The following PRRX2 variants were observed in gnomAD, a reference collection of about 807,000 sequenced individuals.
PRRX2 encodes the protein paired mesoderm homeobox protein 2.
In PRRX2, 11 loss-of-function variants were observed where a neutral mutation model predicts 18.0. The ratio of observed to expected loss-of-function variants is 0.61; its 90% CI spans 0.39 to 1.01. The LOEUF is 1.01. Ranked by LOEUF, PRRX2 falls within the 50% of genes least tolerant of loss-of-function variation. The pLI, the probability that PRRX2 is intolerant of heterozygous loss-of-function variation, is 0.01. For missense variants in PRRX2, 387 were observed against 351.0 expected (o/e 1.10, Z -0.82); for synonymous variants, 177 against 154.8 (o/e 1.14, Z -1.06).
chr9:129,722,289 C>T lies in PRRX2; in HGVS notation c.699C>T (p.Ala233=). 6.2e-7 allele frequency: 1 copy of T among 1,614,040 alleles called. No homozygotes were observed. Among genetic ancestry groups the T allele is most frequent in the Non-Finnish European group, 8.5e-7 (1 of 1,180,008 alleles). ...TPGVNMANSI[A]SLRLKAKEFS... is the part of the protein sequence containing the mutation. ...GGGTCAACATGGCCAACAGCATCGC[C>T]AGCCTCCGTCTCAAGGCCAAGGAGT... is the stretch of plus-strand genomic sequence containing the variant. Residue 233 remains alanine, a synonymous_variant, in exon 4 of 4, where the codon GCC becomes GCT. Coordinates refer to ENST00000372469, the MANE Select transcript of PRRX2 (RefSeq NM_016307.4).
Position 129,719,238 on chromosome 9 carries a change from TC to T in PRRX2, c.270del (p.Ser91AlafsTer105). ...CCCCCCCAACCTCCGCAGGTGAGTGTCCCAGCCCGGGGCGCGGTAGCGCCGC... is the reference window on the plus strand; with the variant it reads ...CCCCCCCAACCTCCGCAGGTGAGTGTCCAGCCCGGGGCGCGGTAGCGCCGC... ...SEAAPQDGECPSPGRGSAAKR... is the reference protein window; with the variant it reads ...SEAAPQDGECXSPGRGSAAKR... On this transcript the variant is annotated frameshift_variant, in exon 2 of 4. Coordinates refer to ENST00000372469, the MANE Select transcript of PRRX2 (RefSeq NM_016307.4). LOFTEE classifies it high-confidence loss of function. 1 of 1,592,374 alleles carries T rather than the reference TC, an allele frequency of 6.3e-7. No homozygotes were observed. The highest frequency in any genetic ancestry group is 1.1e-5 in the South Asian group (1 of 87,914).
At chr9:129,693,221 C>T (rs753283931) in intron 1 of PRRX2, among the ~76,000 whole-genome samples, 2 of 152,138 alleles carry the variant, frequency 1.3e-5, no homozygotes, top group Non-Finnish European at 2.9e-5. Flanking sequence ...TCAGGGCTTC[C>T]GTCCATTTTA....
Position 129,695,462 on chromosome 9 carries a change from A to G in PRRX2, c.260-23769A>G, listed in dbSNP as rs956023320. On this transcript the variant is annotated intron_variant, in intron 1 of 3. Transcript: ENST00000372469. This position sits in a 1 kb window ranked among gnomAD's most constrained non-coding sequence, Gnocchi z 4.8. ...TCTTGCTCTGGGCTTTACTTGACCA[A>G]TGTGCTTCTTTGGTTTGGTTTTTAT... Among the ~76,000 whole-genome samples, 2 of 152,126 alleles carry G rather than the reference A, an allele frequency of 1.3e-5. No homozygotes were observed. Among genetic ancestry groups the G allele is most frequent in the African/African-American group, 4.8e-5 (2 of 41,412 alleles).
At chr9:129,666,647 C>T (rs1033897583) in intron 1 of PRRX2, among the ~76,000 whole-genome samples, 7 of 150,382 alleles carry the variant, frequency 4.7e-5, no homozygotes, top group Non-Finnish European at 8.9e-5. Context: ...TCTTCCCCGG[C>T]AGAGGTCAAA....
chr9:129,706,443 A>G (rs1832558426), intron 1 of PRRX2, among the ~76,000 whole-genome samples: 1 of 152,256 alleles, frequency 6.6e-6, no homozygotes. Flanking sequence ...TGCGCCTGTA[A>G]TCCCAGCTAC....
At chr9:129,679,872 C>T (rs1832205531) in intron 1 of PRRX2, among the ~76,000 whole-genome samples, 1 of 152,170 alleles carries the variant, frequency 6.6e-6, no homozygotes, top group Non-Finnish European at 1.5e-5. Context: ...CTCCGTTTCC[C>T]AGGGATAGGA....
Position 129,675,924 on chromosome 9 carries a change from C to T in PRRX2, c.259+9798C>T, listed in dbSNP as rs569777036. ...CTCCTTTCATTAGACTAACAAATAA[C>T]GCGTAACAGAAAACAGCTGTTAACA... is the stretch of plus-strand genomic sequence containing the variant. On this transcript the variant is annotated intron_variant, in intron 1 of 3. Transcript: ENST00000372469. This position sits in a 1 kb window ranked among gnomAD's most constrained non-coding sequence, Gnocchi z 4.4. Among the ~76,000 whole-genome samples the T allele has an allele frequency of 1.3e-5, 2 of 152,330 alleles. No individual in the cohort carries two copies. The highest frequency in any genetic ancestry group is 2.1e-4 in the South Asian group (1 of 4,828).
intron 1 of PRRX2, among the ~76,000 whole-genome samples, chr9:129,678,632 A>G (rs932912431): frequency 6.6e-6 from 1 of 152,188 alleles, no homozygotes; most frequent in African/African-American, 2.4e-5. Context: ...AGTTGGAAAG[A>G]GCATGGCTGT....
chr9:129,679,409 T>C (rs1355133533), intron 1 of PRRX2, among the ~76,000 whole-genome samples: 1 of 152,004 alleles, frequency 6.6e-6, no homozygotes, highest in Non-Finnish European at 1.5e-5. Context: ...AAGAGGACCA[T>C]TTATTGTGCA....
intron 1 of PRRX2, among the ~76,000 whole-genome samples, chr9:129,693,439 C>A (rs1666845645): frequency 6.6e-6 from 1 of 152,148 alleles, no homozygotes; most frequent in East Asian, 1.9e-4. Flanking sequence ...ACTAAAAATA[C>A]AAAAATTAGC....
rs1289024522 is a variant in PRRX2, at chr9:129,709,082, TG to T, written c.260-10148del. ...CGGGAAGGCCTCTCAGGGCTGGGCA[TG>T]TAGGCTGAAATCCAGGGCTGGGTCA... On this transcript the variant is annotated intron_variant, in intron 1 of 3. Transcript: ENST00000372469. This position sits in a 1 kb window ranked among gnomAD's most constrained non-coding sequence, Gnocchi z 4.2. Among the ~76,000 whole-genome samples, 1 of 151,978 alleles carries T rather than the reference TG, an allele frequency of 6.6e-6. No individual in the cohort carries two copies. The highest frequency in any genetic ancestry group is 1.5e-5 in the Non-Finnish European group (1 of 67,978).
intron 1 of PRRX2, among the ~76,000 whole-genome samples, chr9:129,702,042 C>T (rs1485916566): frequency 6.8e-6 from 1 of 147,224 alleles, no homozygotes; most frequent in African/African-American, 2.5e-5. Flanking sequence ...CAGAGGCTGC[C>T]CTGAGCCAGG....
At chr9:129,681,167 T>C (rs1354615309) in intron 1 of PRRX2, among the ~76,000 whole-genome samples, 1 of 152,168 alleles carries the variant, frequency 6.6e-6, no homozygotes, top group African/African-American at 2.4e-5. Flanking sequence ...CTGGGAGAGC[T>C]GGTTTCAGTG....
chr9:129,702,734 G>T (rs1349680080), intron 1 of PRRX2, among the ~76,000 whole-genome samples: 1 of 152,226 alleles, frequency 6.6e-6, no homozygotes, highest in Non-Finnish European at 1.5e-5. Flanking sequence ...CAGATTCCCA[G>T]CTGGACCCTT....
At chr9:129,719,442 CCGTGGGAGCGTGCG>C (rs1425466871) in intron 2 of PRRX2, 24 bp downstream of exon 2, 7 of 1,483,930 alleles carry the variant, frequency 4.7e-6, no homozygotes, top group East Asian at 2.6e-5. Context: ...CCCGGGCCTC[CCGTGGGAGCGTGCG>C]CGTGGGAGCG....
At chr9:129,708,352 G>C (rs1160617760) in intron 1 of PRRX2, among the ~76,000 whole-genome samples, 3 of 152,132 alleles carry the variant, frequency 2.0e-5, no homozygotes, top group African/African-American at 4.8e-5. Flanking sequence ...TCTGTCTTTT[G>C]ATTCTAACTA....
rs1414140095 is a variant in PRRX2, at chr9:129,722,433, C to G, written c.*81C>G. 23 of 1,520,990 alleles carry G rather than the reference C, an allele frequency of 1.5e-5. No homozygotes were observed. The highest frequency in any genetic ancestry group is 2.0e-5 in the Non-Finnish European group (23 of 1,126,052). 94.2% of individuals were successfully genotyped at this position (1,520,990 alleles called of 1,614,324 possible). On this transcript the variant is annotated 3_prime_UTR_variant, in exon 4 of 4. Transcript: ENST00000372469. ...GGGCAGACGCCCAGGAAGTGACCTTCTCCTGGATGAGCTCTCCTGGCCCGT... is the reference window on the plus strand; with the variant it reads ...GGGCAGACGCCCAGGAAGTGACCTTGTCCTGGATGAGCTCTCCTGGCCCGT...
chr9:129,701,969 C>T (rs548278586), intron 1 of PRRX2, among the ~76,000 whole-genome samples: 47 of 152,220 alleles, frequency 3.1e-4, no homozygotes, highest in Non-Finnish European at 5.3e-4. Flanking sequence ...GGCCTGATGC[C>T]GGGTGCCTGT....
At position 129,695,577 on chromosome 9, in the gene PRRX2, C is replaced by T. The variant is rs1248979487; in HGVS notation, c.260-23654C>T. ...CCTGGCACAGAGCTGGGAGCCGGGC[C>T]GGGAGCCCCCAGCTGGCAGGCACCT... is the stretch of plus-strand genomic sequence containing the variant. On this transcript the variant is annotated intron_variant, in intron 1 of 3. Transcript: ENST00000372469. This position sits in a 1 kb window ranked among gnomAD's most constrained non-coding sequence, Gnocchi z 4.8. Among the ~76,000 whole-genome samples, 7 of 152,156 alleles carry T rather than the reference C, an allele frequency of 4.6e-5. No individual in the cohort carries two copies. The highest frequency in any genetic ancestry group is 7.4e-5 in the Non-Finnish European group (5 of 68,026).
Sources: allele counts gnomAD v4.1 joint callset (sites outside exome capture counted in the v4.1 genomes callset), GRCh38; gene constraint gnomAD v4.1.1; non-coding constraint Gnocchi (gnomAD v3.1); transcripts MANE v1.5; gene names NCBI Gene and HGNC (gene_info 2026-07-23, HGNC 2026-07-21).